Variants in C8orf34 observed in about 807,000 individuals in gnomAD.
C8orf34 encodes chromosome 8 open reading frame 34.
A neutral mutation model predicts 68.3 loss-of-function variants in C8orf34; 65 were observed. The observed-to-expected ratio is 0.95, with a 90% CI of 0.78 to 1.17. The LOEUF (loss-of-function observed/expected upper bound fraction) is 1.17. Among genes scored for constraint, C8orf34 ranks in the 50% most tolerant of loss-of-function variants. The pLI is 0.00. For synonymous variants in C8orf34, 244 were observed against 241.2 expected, an observed-to-expected ratio of 1.01 and a Z score of -0.11; for missense variants, 664 against 655.4, an observed-to-expected ratio of 1.01 and a Z score of -0.14.
Position 68,423,159 on chromosome 8 carries a change from C to T in C8orf34, c.328-16340C>T, listed in dbSNP as rs898593200. Among the ~76,000 whole-genome samples, 21 of 152,292 alleles carry T rather than the reference C, an allele frequency of 1.4e-4. 1 individual carries two copies. The highest frequency in any genetic ancestry group is 7.7e-4 in the East Asian group (4 of 5,182). ...TCACTACTTATGCAAATTTCTGCAG[C>T]GGGCTTGAATTTTTCCCCAGAAAAT... is the stretch of plus-strand genomic sequence containing the variant. On this transcript the variant is annotated intron_variant, in intron 1 of 13. Transcript: ENST00000518698.
chr8:68,816,049 T>C (rs894122988), intron 13 of C8orf34, 104 bp downstream of exon 13: 2 of 1,576,598 alleles, frequency 1.3e-6, no homozygotes, highest in Non-Finnish European at 8.7e-7. Context: ...TCATGACCTC[T>C]AATGAGAATA....
chr8:68,417,387 T>A (rs1442504625), intron 1 of C8orf34, among the ~76,000 whole-genome samples: 1 of 152,088 alleles, frequency 6.6e-6, no homozygotes, highest in East Asian at 1.9e-4. Flanking sequence ...TGATAGACAC[T>A]AATTTTAGTG....
At chr8:68,423,291 C>T (rs1344857319) in intron 1 of C8orf34, among the ~76,000 whole-genome samples, 4 of 152,024 alleles carry the variant, frequency 2.6e-5, no homozygotes, top group Admixed American at 1.3e-4. Context: ...TGCCAGATAC[C>T]CTAAATCATC....
intron 1 of C8orf34, among the ~76,000 whole-genome samples, chr8:68,369,742 G>T (rs761416530): frequency 6.6e-6 from 1 of 152,232 alleles, no homozygotes; most frequent in African/African-American, 2.4e-5. Flanking sequence ...ATCTGGAGAA[G>T]CAGACAGGAC....
chr8:68,525,844 G>A (rs538353319), intron 6 of C8orf34: 24 of 377,550 alleles, frequency 6.4e-5, no homozygotes, highest in Admixed American at 1.6e-4. Context: ...CCTGGTGTTT[G>A]TCTCTCTTTT....
At chr8:68,685,238 G>C (rs901716299) in intron 8 of C8orf34, among the ~76,000 whole-genome samples, 1 of 151,850 alleles carries the variant, frequency 6.6e-6, no homozygotes, top group African/African-American at 2.4e-5. Flanking sequence ...TATCTCTTTA[G>C]ACAAGGGTTC....
chr8:68,655,429 C>G (rs1393708842), intron 8 of C8orf34, among the ~76,000 whole-genome samples: 1 of 152,086 alleles, frequency 6.6e-6, no homozygotes, highest in Non-Finnish European at 1.5e-5. Context: ...TAAAGAAGTT[C>G]CCTAACTTAC....
At chr8:68,642,479 G>A (rs767329524) in intron 8 of C8orf34, among the ~76,000 whole-genome samples, 26 of 152,124 alleles carry the variant, frequency 1.7e-4, no homozygotes, top group Non-Finnish European at 2.6e-4. Context: ...TTATATATTA[G>A]TCTACCACTG....
chr8:68,734,286 C>A (rs1822064985), intron 10 of C8orf34, among the ~76,000 whole-genome samples: 1 of 151,962 alleles, frequency 6.6e-6, no homozygotes, highest in African/African-American at 2.4e-5. Flanking sequence ...CCTGAAGAAC[C>A]TGCAGCCTAA....
intron 1 of C8orf34, among the ~76,000 whole-genome samples, chr8:68,336,356 A>G (rs1017709989): frequency 1.3e-5 from 2 of 152,304 alleles, no homozygotes; most frequent in Non-Finnish European, 1.5e-5. Flanking sequence ...TGGCAGGGTC[A>G]GAAGATTTGT....
chr8:68,362,714 A>G (rs1807060794), intron 1 of C8orf34, among the ~76,000 whole-genome samples: 1 of 152,154 alleles, frequency 6.6e-6, no homozygotes, highest in South Asian at 2.1e-4. Context: ...TAACAAACAG[A>G]AAGGACAACC....
At chr8:68,672,966 G>C (rs928362022) in intron 8 of C8orf34, among the ~76,000 whole-genome samples, 3 of 148,356 alleles carry the variant, frequency 2.0e-5, no homozygotes, top group Admixed American at 6.7e-5. Context: ...GTAGGGTTTT[G>C]AGGCCCCCAT....
chr8:68,429,240 T>A (rs144914250), intron 1 of C8orf34, among the ~76,000 whole-genome samples: 1 of 152,144 alleles, frequency 6.6e-6, no homozygotes, highest in African/African-American at 2.4e-5. Context: ...AAATGGCAAA[T>A]AAATTTAGAC....
chr8:68,615,833 T>C (rs1818192207), intron 7 of C8orf34, among the ~76,000 whole-genome samples: 1 of 151,900 alleles, frequency 6.6e-6, no homozygotes, highest in African/African-American at 2.4e-5. Context: ...TTCCCTCTTT[T>C]TCTATTGATT....
chr8:68,738,012 T>G (rs1822172192), intron 10 of C8orf34, among the ~76,000 whole-genome samples: 1 of 152,064 alleles, frequency 6.6e-6, no homozygotes, highest in Non-Finnish European at 1.5e-5. Context: ...TTAACATTGA[T>G]CACATAATCA....
chr8:68,477,022 GTAGCCA>G (rs1812648191), intron 4 of C8orf34, among the ~76,000 whole-genome samples: 1 of 152,128 alleles, frequency 6.6e-6, no homozygotes, highest in African/African-American at 2.4e-5. Flanking sequence ...GGATTTTCTT[GTAGCCA>G]TAGGAATTTA....
intron 1 of C8orf34, among the ~76,000 whole-genome samples, chr8:68,426,463 G>A (rs1810220018): frequency 7.2e-6 from 1 of 139,520 alleles, no homozygotes; most frequent in African/African-American, 2.7e-5. Flanking sequence ...AGGTTGTAGT[G>A]AGCGGAGATC....
chr8:68,715,184 T>A lies in C8orf34; in HGVS notation c.1327+6105T>A, dbSNP rs150810543. ...AAACCATAAAAGTTCTAGAAGATAA[T>A]GTCAGAAAAACCCTTCCAGACATTA... is the stretch of plus-strand genomic sequence containing the variant. On this transcript the variant is annotated intron_variant, in intron 9 of 13. Coordinates refer to ENST00000518698, the MANE Select transcript of C8orf34 (RefSeq NM_052958.4). 1.5e-3 allele frequency among the ~76,000 whole-genome samples: 224 copies of A among 152,072 alleles called. 3 individuals are homozygous for A. The highest frequency in any genetic ancestry group is 5.0e-3 in the African/African-American group (209 of 41,510).
chr8:68,465,094 A>C lies in C8orf34; in HGVS notation c.608-3598A>C, dbSNP rs1812050403. Among the ~76,000 whole-genome samples the C allele has an allele frequency of 2.6e-5, 4 of 152,256 alleles. No individual in the cohort carries two copies. In the South Asian group the frequency reaches 8.3e-4, roughly 32 times the overall value. On this transcript the variant is annotated intron_variant, in intron 3 of 13. Coordinates refer to ENST00000518698, the MANE Select transcript of C8orf34 (RefSeq NM_052958.4). Reference sequence around the variant, plus strand: ...TCCAGAATCTACAATGAACTCAAACAAATTTACAAGAAAAAAACAAACAAC... The same window carrying C: ...TCCAGAATCTACAATGAACTCAAACCAATTTACAAGAAAAAAACAAACAAC...
Sources: gnomAD v4.1 joint callset for allele counts (sites outside exome capture counted in the v4.1 genomes callset) on GRCh38, gnomAD v4.1.1 for gene constraint, MANE v1.5 for transcripts, NCBI Gene and HGNC (gene_info 2026-07-23, HGNC 2026-07-21) for gene names.